The following CACNA1S variants were observed in gnomAD, a reference collection of about 807,000 sequenced individuals.
CACNA1S encodes the protein voltage-dependent L-type calcium channel subunit alpha-1S.
A neutral mutation model predicts 207.4 loss-of-function variants in CACNA1S; 126 were observed. The ratio of observed to expected loss-of-function variants is 0.61; its 90% CI spans 0.53 to 0.70. The LOEUF (loss-of-function observed/expected upper bound fraction) is 0.70, where lower values mean the gene tolerates loss of function less well. Among genes scored for constraint, CACNA1S ranks in the 30% least tolerant of loss-of-function variants. CACNA1S has a pLI of 0.00. For missense variants in CACNA1S, 2,349 were observed against 2,422.8 expected (o/e 0.97, Z 0.64); for synonymous variants, 960 against 932.7 (o/e 1.03, Z -0.53).
In CACNA1S at chr1:201,042,074, C is replaced by T. The variant is rs751363417; in HGVS notation, c.5049-485G>A. The T allele has an allele frequency of 3.8e-5, 8 of 211,128 alleles. No homozygotes were observed. In the East Asian group the frequency reaches 4.4e-4, roughly 12 times the overall value. The allele number at this position is 211,128 out of a possible 1,614,324, so 13.1% of individuals were successfully genotyped here. ...TTTCCAGCCCATGGTGATCCATACC[C>T]CCTCTGCACTCTCAGGACACTAAAT... On this transcript the variant is annotated intron_variant, in intron 40 of 43. Transcript: ENST00000362061.
At chr1:201,077,708 G>C (rs1325499752) in intron 11 of CACNA1S, among the ~76,000 whole-genome samples, 171 bp downstream of exon 11, 1 of 152,238 alleles carries the variant, frequency 6.6e-6, no homozygotes, top group Non-Finnish European at 1.5e-5. Context: ...GTGGGGAAGT[G>C]ATTCTTTTTT....
rs921008103 is a variant in CACNA1S, at chr1:201,112,317, T to A, written c.23A>T (p.Asp8Val). The change falls in exon 1 of 44, where the codon GAT becomes GTT. Residue 8 changes from aspartate to valine, a missense_variant. Physicochemically the swap from Asp to Val is radical, Grantham distance 152. Coordinates refer to ENST00000362061, the MANE Select transcript of CACNA1S (RefSeq NM_000069.3). MEPSSPQDEGLRKKQPKK... is the reference protein window; with the variant it reads MEPSSPQVEGLRKKQPKK... ...GGGCTGTTTCTTCCTCAGGCCTTCA[T>A]CCTGGGGTGAGGATGGCTCCATGGC... 9 of 1,613,674 alleles carry A rather than the reference T, an allele frequency of 5.6e-6. No individual in the cohort carries two copies. Among genetic ancestry groups the A allele is most frequent in the Non-Finnish European group, 6.8e-6 (8 of 1,179,782 alleles).
At chr1:201,081,655 C>T (rs938785765) in intron 10 of CACNA1S, among the ~76,000 whole-genome samples, 3 of 152,226 alleles carry the variant, frequency 2.0e-5, no homozygotes, top group Non-Finnish European at 4.4e-5. Context: ...GATAGACAGC[C>T]CTGCCCAAAT....
chr1:201,104,824 A>C (rs575360404), intron 2 of CACNA1S, among the ~76,000 whole-genome samples: 1 of 152,350 alleles, frequency 6.6e-6, no homozygotes, highest in East Asian at 1.9e-4. Flanking sequence ...AGCCTGGCCT[A>C]GGCTGGAATG....
chr1:201,055,193 G>T lies in CACNA1S; in HGVS notation c.3610-632C>A, dbSNP rs79049173. Among the ~76,000 whole-genome samples, 481 of 152,322 alleles carry T rather than the reference G, an allele frequency of 3.2e-3. 4 individuals are homozygous for T. The highest frequency in any genetic ancestry group is 0.011 in the African/African-American group (443 of 41,574). ...GGGCCACACTTCATGAGAAGCCCTT[G>T]TTCTGCAGCCCTGGGTCAAAAGAAG... On this transcript the variant is annotated intron_variant, in intron 28 of 43. Transcript: ENST00000362061.
At chr1:201,112,157 C>CG in intron 1 of CACNA1S, 31 bp downstream of exon 1, 1 of 1,514,270 alleles carries the variant, frequency 6.6e-7, no homozygotes, top group Middle Eastern at 1.7e-4. Context: ...TGACGCACAC[C>CG]CCCCCCCACG....
chr1:201,102,383 G>A (rs945344288), intron 2 of CACNA1S, among the ~76,000 whole-genome samples: 32 of 152,148 alleles, frequency 2.1e-4, no homozygotes, highest in African/African-American at 6.5e-4. Flanking sequence ...CGGAAACAAC[G>A]AGGTGCCCAA....
At chr1:201,111,801 G>A (rs1663113453) in intron 1 of CACNA1S, among the ~76,000 whole-genome samples, 1 of 152,138 alleles carries the variant, frequency 6.6e-6, no homozygotes, top group South Asian at 2.1e-4. Context: ...CATGGGAACA[G>A]TCCCCATGAA....
intron 10 of CACNA1S, among the ~76,000 whole-genome samples, 179 bp downstream of exon 10, chr1:201,082,983 C>G (rs1475298968): frequency 6.6e-6 from 1 of 152,138 alleles, no homozygotes; most frequent in South Asian, 2.1e-4. Context: ...TCCGTTTTAC[C>G]CCCGTGAAAG....
At chr1:201,098,331 G>GA (rs1318353501) in intron 2 of CACNA1S, among the ~76,000 whole-genome samples, 1 of 152,210 alleles carries the variant, frequency 6.6e-6, no homozygotes, top group African/African-American at 2.4e-5. Context: ...TAAGCATTTG[G>GA]AAAATTCTAT....
At chr1:201,097,732 C>T (rs192343730) in intron 2 of CACNA1S, among the ~76,000 whole-genome samples, 1 of 152,236 alleles carries the variant, frequency 6.6e-6, no homozygotes, top group Admixed American at 6.5e-5. Context: ...GCTTGGGGGC[C>T]AGGGTCACTC....
chr1:201,066,876 C>A lies in CACNA1S; in HGVS notation c.2657+11G>T, dbSNP rs761504963. ...GGTCTGTGCCCAGGGCTGGCCCTTG[C>A]CGCTGCTCACTCAAGTCCCATGGAG... On this transcript the variant is annotated intron_variant, in intron 20 of 43. Coordinates refer to ENST00000362061, the MANE Select transcript of CACNA1S (RefSeq NM_000069.3). The surrounding 1 kb of genome is among the most constrained non-coding windows in gnomAD (Gnocchi z 4.3). 60 of 1,605,056 alleles carry A rather than the reference C, an allele frequency of 3.7e-5. 1 individual carries two copies. In the South Asian group the frequency reaches 6.2e-4, roughly 17 times the overall value.
chr1:201,060,777 T>G lies in CACNA1S; in HGVS notation c.3295A>C (p.Arg1099=). The G allele has an allele frequency of 2.5e-6, 4 of 1,614,160 alleles. No individual in the cohort carries two copies. Among genetic ancestry groups the G allele is most frequent in the Non-Finnish European group, 3.4e-6 (4 of 1,180,032 alleles). Residue 1099 remains arginine (R), a synonymous_variant, in exon 26 of 44, where the codon AGG becomes CGG. Transcript: ENST00000362061. ...TATGGGTTTTTGGGAATGTAGCACC[T>G]CAGTGGGCGGGCCTTCAGGGCATAC... ...VQYALKARPL[R]CYIPKNPYQY...
intron 31 of CACNA1S, 124 bp from the exon 32 acceptor site, chr1:201,052,772 G>T: frequency 1.2e-6 from 1 of 805,882 alleles, no homozygotes; most frequent in East Asian, 2.6e-5. Context: ...TCCCTTCATT[G>T]CGGGCCACAT....
intron 3 of CACNA1S, among the ~76,000 whole-genome samples, chr1:201,093,601 T>C (rs935260869): frequency 2.0e-5 from 3 of 152,212 alleles, no homozygotes; most frequent in Non-Finnish European, 4.4e-5. Context: ...GAAACATCCA[T>C]ATCATTTCCA....
In CACNA1S at chr1:201,044,350, G is replaced by A. The variant is rs1037769687; in HGVS notation, c.4775C>T (p.Ala1592Val). The change falls in exon 39 of 44, where the codon GCG becomes GTG. Residue 1592 changes from alanine to valine, a missense_variant. Ala to Val is a moderately conservative substitution (Grantham distance 64). Coordinates refer to ENST00000362061, the MANE Select transcript of CACNA1S (RefSeq NM_000069.3). ...EELERAMVEA[A>V]MEEGIFRRTG... ...CACCCGGAATATTCCCTCCTCCATC[G>A]CAGCCTCCACCATGGCTCTCTCCAG... is the stretch of plus-strand genomic sequence containing the variant. The A allele has an allele frequency of 5.0e-6, 8 of 1,613,138 alleles. No individual in the cohort carries two copies. The highest frequency in any genetic ancestry group is 1.3e-5 in the African/African-American group (1 of 74,750).
At chr1:201,086,621 A>G (rs1255720535) in intron 7 of CACNA1S, among the ~76,000 whole-genome samples, 1 of 152,272 alleles carries the variant, frequency 6.6e-6, no homozygotes, top group Non-Finnish European at 1.5e-5. Flanking sequence ...ATACAATCTT[A>G]GCGCACCACT....
chr1:201,085,569 C>G lies in CACNA1S; in HGVS notation c.1017G>C (p.Lys339Asn), dbSNP rs1435414314. 1 of 1,613,702 alleles carries G rather than the reference C, an allele frequency of 6.2e-7. No homozygotes were observed. The highest frequency in any genetic ancestry group is 2.2e-5 in the East Asian group (1 of 44,868). ...CCCTGGACTTGGCCTTCTCCCGCTC[C>G]TTGGTGAATTCCCTGAAATGAGATG... ...VLGVLSGEFT[K>N]EREKAKSRGT... Residue 339 changes from lysine (K) to asparagine (N), a missense_variant, in exon 8 of 44, where the codon AAG becomes AAC. Physicochemically the swap from Lys to Asn is moderately conservative, Grantham distance 94. Coordinates refer to ENST00000362061, the MANE Select transcript of CACNA1S (RefSeq NM_000069.3).
chr1:201,074,660 A>T, intron 13 of CACNA1S, 40 bp from the exon 14 acceptor site: 1 of 1,322,016 alleles, frequency 7.6e-7, no homozygotes, highest in Non-Finnish European at 1.1e-6. Context: ...TTGTAGGTGG[A>T]AGGGAGCCTG....
Sources: allele counts gnomAD v4.1 joint callset (sites outside exome capture counted in the v4.1 genomes callset), GRCh38; gene constraint gnomAD v4.1.1; non-coding constraint Gnocchi (gnomAD v3.1); transcripts MANE v1.5; gene names NCBI Gene and HGNC (gene_info 2026-07-23, HGNC 2026-07-21).